The following INTS14 variants were observed in gnomAD, a reference collection of about 807,000 sequenced individuals.
INTS14 encodes the protein UPF0464 protein C15orf44.
INTS14 carries 27 observed loss-of-function variants against 56.9 expected under a neutral mutation model. That is an observed-to-expected ratio of 0.47 (90% CI 0.35 to 0.65). The LOEUF (loss-of-function observed/expected upper bound fraction) is 0.65. INTS14 is among the 30% of genes least tolerant of loss of function. The pLI is 0.00. For synonymous variants in INTS14, 207 were observed against 236.2 expected (o/e 0.88, Z 1.13); for missense variants, 517 against 632.2 (o/e 0.82, Z 1.95).
rs759601051 is a variant in INTS14, at chr15:65,598,956, C to T, written c.521G>A (p.Arg174His). ...TTCACCATTGTTTAAATCTATGAGA[C>T]GTTCAAGGCATTCCAAGGAATCGGT... ...QSTDSLECLE[R>H]LIDLNNGEGQ... Residue 174 changes from arginine to histidine, a missense_variant, in exon 5 of 12, where the codon CGT (arginine) becomes CAT (histidine). Transcript: ENST00000313182. 5.6e-6 allele frequency: 9 copies of T among 1,613,730 alleles called. No homozygotes were observed. In the East Asian group the frequency reaches 8.9e-5, roughly 16 times the overall value.
intron 3 of INTS14, among the ~76,000 whole-genome samples, chr15:65,603,620 T>C (rs1203576634): frequency 6.6e-6 from 1 of 152,138 alleles, no homozygotes; most frequent in African/African-American, 2.4e-5. Flanking sequence ...TACAATCTTT[T>C]TTTTTTTTTA....
At chr15:65,607,118 A>C (rs2073681688) in intron 2 of INTS14, 41 bp downstream of exon 2, 2 of 1,601,444 alleles carry the variant, frequency 1.2e-6, no homozygotes, top group African/African-American at 1.3e-5. Flanking sequence ...CTCCCAATAA[A>C]TTTAGGCCCT....
At chr15:65,600,583 C>CTG (rs2073394320) in intron 3 of INTS14, among the ~76,000 whole-genome samples, 1 of 151,702 alleles carries the variant, frequency 6.6e-6, no homozygotes, top group Non-Finnish European at 1.5e-5. Flanking sequence ...GAGTATGCCA[C>CTG]TGCAGTCCAG....
chr15:65,610,958 T>TCACA, intron 1 of INTS14, 140 bp downstream of exon 1: 3 of 1,479,872 alleles, frequency 2.0e-6, no homozygotes, highest in Non-Finnish European at 2.7e-6. Flanking sequence ...AACTGGCGCC[T>TCACA]CACAGACAGC....
chr15:65,600,009 C>A, intron 3 of INTS14, 80 bp from the exon 4 acceptor site: 1 of 1,464,346 alleles, frequency 6.8e-7, no homozygotes. Flanking sequence ...GTTTTCACTG[C>A]TAGAAAGGGG....
rs2072456739 is a variant in INTS14, at chr15:65,578,809, T to G, written c.*599A>C. The G allele has an allele frequency of 6.6e-6, 1 of 151,350 alleles. No individual in the cohort carries two copies. 9.4% of individuals were successfully genotyped at this position (151,350 alleles called of 1,614,324 possible). A position where few individuals can be genotyped will look rare whatever the true frequency, so the allele number is the denominator to read the frequency against. ...AGAAAATCAAATATTTTATTTTCAT[T>G]AAAAAAAAACCTTGAATAATAGGAA... On this transcript the variant is annotated 3_prime_UTR_variant, in exon 12 of 12. Coordinates refer to ENST00000313182, the MANE Select transcript of INTS14 (RefSeq NM_001394796.1).
At chr15:65,584,680 T>C in intron 10 of INTS14, 90 bp downstream of exon 10, 1 of 1,105,360 alleles carries the variant, frequency 9.0e-7, no homozygotes, top group Non-Finnish European at 1.3e-6. Context: ...TTACTAAGTA[T>C]CAAAGGAAAA....
Position 65,579,397 on chromosome 15 carries a change from A to G in INTS14, c.*11T>C. 6.2e-7 allele frequency: 1 copy of G among 1,603,084 alleles called. No homozygotes were observed. Among genetic ancestry groups the G allele is most frequent in the South Asian group, 1.1e-5 (1 of 90,546 alleles). ...GAAATGAAAAAAGAAGGAAAGCTCCAAAAGTCAGTTTCAAATTCTTTCAGT... is the reference window on the plus strand; with the variant it reads ...GAAATGAAAAAAGAAGGAAAGCTCCGAAAGTCAGTTTCAAATTCTTTCAGT... On this transcript the variant is annotated 3_prime_UTR_variant, in exon 12 of 12. Transcript: ENST00000313182.
At chr15:65,592,485 G>A (rs934221381) in intron 8 of INTS14, among the ~76,000 whole-genome samples, 5 of 152,168 alleles carry the variant, frequency 3.3e-5, no homozygotes, top group African/African-American at 1.2e-4. Flanking sequence ...TCCTCACAGG[G>A]AAGGAACACA....
chr15:65,579,738 A>G, intron 11 of INTS14, 79 bp from the exon 12 acceptor site: 5 of 1,517,920 alleles, frequency 3.3e-6, no homozygotes, highest in Non-Finnish European at 4.4e-6. Flanking sequence ...GCTTAGCATA[A>G]GTTCTCCTTG....
At chr15:65,586,828 G>A (rs907173967) in intron 9 of INTS14, 3 of 152,088 alleles carry the variant, frequency 2.0e-5, no homozygotes, top group Non-Finnish European at 4.4e-5. Context: ...AATACAGAAA[G>A]AGGAAATCAA....
At chr15:65,610,235 C>T (rs1440321010) in intron 1 of INTS14, among the ~76,000 whole-genome samples, 1 of 152,148 alleles carries the variant, frequency 6.6e-6, no homozygotes, top group African/African-American at 2.4e-5. Context: ...TGGCGTGCGC[C>T]TGTGGTTCTA....
chr15:65,606,267 A>G (rs2141327622), intron 2 of INTS14, among the ~76,000 whole-genome samples: 1 of 152,192 alleles, frequency 6.6e-6, no homozygotes, highest in Non-Finnish European at 1.5e-5. Context: ...AAAAAAAAAA[A>G]AAAAATCTGA....
intron 1 of INTS14, among the ~76,000 whole-genome samples, chr15:65,610,346 G>A (rs551856840): frequency 6.6e-5 from 10 of 152,262 alleles, no homozygotes; most frequent in South Asian, 2.1e-4. Context: ...GCGACAGAGC[G>A]AGACTCCGTC....
chr15:65,602,192 T>C (rs2073459485), intron 3 of INTS14, among the ~76,000 whole-genome samples: 2 of 152,042 alleles, frequency 1.3e-5, no homozygotes, highest in South Asian at 4.2e-4. Flanking sequence ...TGAGCTGAGA[T>C]CATGCCACTG....
chr15:65,591,474 T>A, intron 9 of INTS14, 124 bp downstream of exon 9: 3 of 1,296,680 alleles, frequency 2.3e-6, no homozygotes, highest in Middle Eastern at 2.1e-4. Flanking sequence ...ACATCCAGCA[T>A]CATCCGAGAC....
intron 6 of INTS14, among the ~76,000 whole-genome samples, chr15:65,596,789 C>T (rs548577394): frequency 4.6e-5 from 7 of 152,246 alleles, no homozygotes; most frequent in Admixed American, 3.3e-4. Flanking sequence ...AGGCTGGTCT[C>T]CCGACCTCAG....
chr15:65,611,086 C>T lies in INTS14; in HGVS notation c.-63+12G>A. ...CGAAAGGCAGTCCCGGGCCCTCGGCCTCCCCACTCACCCCGTGCCCATCGC... is the reference window on the plus strand; with the variant it reads ...CGAAAGGCAGTCCCGGGCCCTCGGCTTCCCCACTCACCCCGTGCCCATCGC... On this transcript the variant is annotated intron_variant, in intron 1 of 11. Transcript: ENST00000313182. The T allele has an allele frequency of 1.3e-6, 2 of 1,535,748 alleles. No individual in the cohort carries two copies. The highest frequency in any genetic ancestry group is 1.7e-6 in the Non-Finnish European group (2 of 1,146,624).
chr15:65,602,602 G>C (rs546900721), intron 3 of INTS14, among the ~76,000 whole-genome samples: 1 of 151,898 alleles, frequency 6.6e-6, no homozygotes, highest in Non-Finnish European at 1.5e-5. Context: ...CCACATTTAA[G>C]CAAGTTTGTT....
Sources: allele counts gnomAD v4.1 joint callset (sites outside exome capture counted in the v4.1 genomes callset), GRCh38; gene constraint gnomAD v4.1.1; transcripts MANE v1.5; gene names NCBI Gene and HGNC (gene_info 2026-07-23, HGNC 2026-07-21).